The following CADPS2 variants were observed in gnomAD, a reference collection of about 807,000 sequenced individuals.
The protein encoded by CADPS2 is calcium dependent secretion activator 2.
CADPS2 carries 93 observed loss-of-function variants against 172.5 expected under a neutral mutation model. That is an observed-to-expected ratio of 0.54 (90% CI 0.46 to 0.64). CADPS2 has a LOEUF of 0.64. Ranked by LOEUF, CADPS2 falls within the 30% of genes least tolerant of loss-of-function variation. The probability of loss-of-function intolerance (pLI) is 0.00; values close to 1 mark genes in which losing one functional copy is unlikely to be tolerated. For synonymous variants in CADPS2, 546 were observed against 555.2 expected, an observed-to-expected ratio of 0.98 and a Z score of 0.23; for missense variants, 1,420 against 1,565.9, an observed-to-expected ratio of 0.91 and a Z score of 1.57.
chr7:122,611,524 A>G (rs1414401846), intron 6 of CADPS2, among the ~76,000 whole-genome samples: 2 of 152,116 alleles, frequency 1.3e-5, no homozygotes, highest in East Asian at 1.9e-4. Context: ...TAACAGGAAA[A>G]CACAAAATGA....
intron 3 of CADPS2, among the ~76,000 whole-genome samples, chr7:122,647,519 C>T (rs953181433): frequency 3.9e-5 from 6 of 152,244 alleles, no homozygotes; most frequent in Admixed American, 1.3e-4. Flanking sequence ...TAATCATTGT[C>T]ATCTATTACA....
At chr7:122,435,296 T>C (rs1330843678) in intron 17 of CADPS2, among the ~76,000 whole-genome samples, 2 of 152,026 alleles carry the variant, frequency 1.3e-5, no homozygotes, top group African/African-American at 2.4e-5. Flanking sequence ...GTAACTCCTA[T>C]AACTTAACAG....
intron 7 of CADPS2, among the ~76,000 whole-genome samples, chr7:122,573,647 C>T (rs941896050): frequency 2.0e-5 from 3 of 151,974 alleles, no homozygotes; most frequent in Non-Finnish European, 4.4e-5. Flanking sequence ...TGGTAAAATA[C>T]CCAAAATGTA....
At chr7:122,483,770 A>G (rs6967353) in intron 11 of CADPS2, among the ~76,000 whole-genome samples, 63,631 of 151,936 alleles carry the variant, frequency 0.42, 13,591 homozygotes, top group African/African-American at 0.49. Context: ...ACATGAAGAT[A>G]TATAATAAAT....
At chr7:122,821,509 A>G (rs1040656926) in intron 1 of CADPS2, among the ~76,000 whole-genome samples, 2 of 152,152 alleles carry the variant, frequency 1.3e-5, no homozygotes, top group Non-Finnish European at 2.9e-5. Flanking sequence ...TCAGGTAACT[A>G]AAATACCTTT....
At chr7:122,349,071 T>C (rs1358496474) in intron 27 of CADPS2, among the ~76,000 whole-genome samples, 1 of 135,058 alleles carries the variant, frequency 7.4e-6, no homozygotes, top group Non-Finnish European at 1.6e-5. Flanking sequence ...AGTATGCTAG[T>C]ACATTTTTGT....
At chr7:122,406,165 TC>T (rs74633956) in intron 20 of CADPS2, among the ~76,000 whole-genome samples, 1 of 151,818 alleles carries the variant, frequency 6.6e-6, no homozygotes, top group Non-Finnish European at 1.5e-5. Context: ...CTATGTGATT[TC>T]CCCCCCACCA....
rs542605240 is a variant in CADPS2 at position 122,469,960 on chromosome 7, T to C, written c.2186+1415A>G. Among the ~76,000 whole-genome samples the C allele has an allele frequency of 3.9e-5, 6 of 152,236 alleles. 1 individual carries two copies. In the South Asian group the frequency reaches 1.0e-3, roughly 26 times the overall value. On this transcript the variant is annotated intron_variant, in intron 14 of 29. Coordinates refer to ENST00000449022, the MANE Select transcript of CADPS2 (RefSeq NM_017954.11). ...GTCTTCTAAGATGAGTTTTGTGATA[T>C]TTGACTTTTTAAAACTGGAAAAAAG... is the stretch of plus-strand genomic sequence containing the variant.
chr7:122,716,826 G>C (rs1465370714), intron 2 of CADPS2, among the ~76,000 whole-genome samples: 1 of 152,022 alleles, frequency 6.6e-6, no homozygotes, highest in Non-Finnish European at 1.5e-5. Context: ...TCTTGGGAGG[G>C]GTGGGGAATG....
chr7:122,791,074 T>C (rs1795193575), intron 1 of CADPS2, among the ~76,000 whole-genome samples: 1 of 152,190 alleles, frequency 6.6e-6, no homozygotes, highest in Admixed American at 6.5e-5. Flanking sequence ...TTCTTAAACG[T>C]TGTGGGCCAT....
intron 3 of CADPS2, among the ~76,000 whole-genome samples, chr7:122,654,493 G>T (rs1311307684): frequency 6.6e-6 from 1 of 152,200 alleles, no homozygotes; most frequent in Admixed American, 6.5e-5. Context: ...TGAGGGATTT[G>T]AAGAATCATG....
At chr7:122,413,986 T>G in intron 19 of CADPS2, 82 bp downstream of exon 19, 1 of 1,232,036 alleles carries the variant, frequency 8.1e-7, no homozygotes. Context: ...TAAAATGGAC[T>G]ACAATCAGAG....
At chr7:122,450,398 G>A (rs1310929742) in intron 15 of CADPS2, among the ~76,000 whole-genome samples, 1 of 151,596 alleles carries the variant, frequency 6.6e-6, no homozygotes, top group Non-Finnish European at 1.5e-5. Flanking sequence ...AAATATGTTA[G>A]CATATTTCTG....
At chr7:122,698,023 T>C (rs773858483) in intron 2 of CADPS2, 1 of 1,613,476 alleles carries the variant, frequency 6.2e-7, no homozygotes, top group Non-Finnish European at 8.5e-7. Context: ...TTTAAGAATA[T>C]CACATTTGCA....
At chr7:122,468,878 A>T (rs1464843927) in intron 14 of CADPS2, among the ~76,000 whole-genome samples, 6 of 151,918 alleles carry the variant, frequency 3.9e-5, no homozygotes, top group Admixed American at 3.9e-4. Flanking sequence ...ATTTCCCTCA[A>T]CCCTATATTT....
chr7:122,817,231 T>A (rs1268837051), intron 1 of CADPS2, among the ~76,000 whole-genome samples: 1 of 152,186 alleles, frequency 6.6e-6, no homozygotes, highest in African/African-American at 2.4e-5. Context: ...CAATCCCCTG[T>A]CCTCCTGTTC....
chr7:122,496,144 G>A (rs193174856), intron 9 of CADPS2, among the ~76,000 whole-genome samples: 3 of 151,800 alleles, frequency 2.0e-5, no homozygotes, highest in Admixed American at 6.6e-5. Context: ...CTCTTCATTT[G>A]GGATATTTAT....
At chr7:122,845,870 T>C (rs1361099791) in intron 1 of CADPS2, among the ~76,000 whole-genome samples, 1 of 152,090 alleles carries the variant, frequency 6.6e-6, no homozygotes, top group Non-Finnish European at 1.5e-5. Context: ...AAGGGGAAGG[T>C]TGGTCAAAAA....
chr7:122,633,260 C>T (rs2076749942), intron 3 of CADPS2, among the ~76,000 whole-genome samples: 2 of 152,068 alleles, frequency 1.3e-5, no homozygotes. Flanking sequence ...AGGGATAGCA[C>T]TGATTCTGTA....
Sources: gnomAD v4.1 joint callset for allele counts (sites outside exome capture counted in the v4.1 genomes callset) on GRCh38, gnomAD v4.1.1 for gene constraint, MANE v1.5 for transcripts, NCBI Gene and HGNC (gene_info 2026-07-23, HGNC 2026-07-21) for gene names.